PARP10: variants seen among roughly 807,000 people sequenced by gnomAD.
The protein encoded by PARP10 is protein mono-ADP-ribosyltransferase PARP10.
PARP10 carries 56 observed loss-of-function variants against 82.4 expected under a neutral mutation model. The observed-to-expected ratio is 0.68, with a 90% confidence interval of 0.55 to 0.85. The LOEUF (loss-of-function observed/expected upper bound fraction) is 0.85. Ranked by LOEUF, PARP10 falls within the 40% of genes least tolerant of loss-of-function variation. The pLI is 0.00. For missense variants in PARP10, 1,227 were observed against 1,379.4 expected, an observed-to-expected ratio of 0.89 and a Z score of 1.75; for synonymous variants, 576 against 601.1, an observed-to-expected ratio of 0.96 and a Z score of 0.61.
In PARP10 at chr8:144,011,555, G is replaced by A. The variant is rs1564263625; in HGVS notation, c.-80+975C>T. 6.6e-6 allele frequency among the ~76,000 whole-genome samples: 1 copy of A among 152,106 alleles called. No homozygotes were observed. The highest frequency in any genetic ancestry group is 1.5e-5 in the Non-Finnish European group (1 of 68,022). On this transcript the variant is annotated intron_variant, in intron 1 of 3. Transcript: ENST00000530478. The surrounding 1 kb of genome is among the most constrained non-coding windows in gnomAD (Gnocchi z 4.5). ...AGGGAGAACAGCCACAGAGCCAATG[G>A]AGGCCACGAGGACACGGCCTCACTC...
rs1019178357 is a variant in PARP10, at chr8:144,008,307, G to A, written c.-80+4223C>T. Among the ~76,000 whole-genome samples, 1 of 152,198 alleles carries A rather than the reference G, an allele frequency of 6.6e-6. No homozygotes were observed. The highest frequency in any genetic ancestry group is 1.5e-5 in the Non-Finnish European group (1 of 68,024). On this transcript the variant is annotated intron_variant, in intron 1 of 3. Transcript: ENST00000530478. The surrounding 1 kb of genome is among the most constrained non-coding windows in gnomAD (Gnocchi z 4.0). ...GGCCCCCATTCTTCGGCAACTTTAT[G>A]CCTTGAAAAGACGGCTTCAGAAGGA... is the stretch of plus-strand genomic sequence containing the variant.
chr8:143,984,270 G>A lies in PARP10; in HGVS notation c.1620C>T (p.Phe540=). 6.2e-7 allele frequency: 1 copy of A among 1,614,096 alleles called. No individual in the cohort carries two copies. The highest frequency in any genetic ancestry group is 8.5e-7 in the Non-Finnish European group (1 of 1,179,986). The change falls in exon 6 of 11, where the codon TTC becomes TTT. Residue 540 remains phenylalanine (F), a synonymous_variant. Coordinates refer to ENST00000313028, the MANE Select transcript of PARP10 (RefSeq NM_032789.5). The part of the protein sequence containing the change: ...QHLLQGLEAQ[F]QCVFGTERLA... ...GGCGCTCTGTCCCAAAGACACACTG[G>A]AACTGAGCCTCCAGCCCCTGGAGAA...
upstream of PARP10, chr8:143,991,504 ACC>A: frequency 6.5e-7 from 1 of 1,537,506 alleles, no homozygotes; most frequent in Non-Finnish European, 8.7e-7. Flanking sequence ...CAGGGCCCCT[ACC>A]CCCAAGGGGG....
intron 1 of PARP10, chr8:144,012,342 G>A (rs1486155230): frequency 1.6e-6 from 1 of 616,836 alleles, no homozygotes; most frequent in African/African-American, 1.8e-5. Context: ...GAGGGTGTTA[G>A]AGCAGAGAGG....
chr8:144,012,684 C>T lies in PARP10; in HGVS notation c.-234G>A, dbSNP rs782280634. The T allele has an allele frequency of 2.6e-6, 4 of 1,551,576 alleles. No homozygotes were observed. The East Asian group carries it at 9.8e-5, about 38-fold the overall frequency. On this transcript the variant is annotated 5_prime_UTR_variant, in exon 1 of 4. Transcript: ENST00000530478. ...CGGCATCAGCGGGTTCACGAGTGGG[C>T]TTGGTGAGGCAACAGCAGGCCTTTC...
chr8:143,978,299 C>G (rs369150816), intron 9 of PARP10, among the ~76,000 whole-genome samples: 2 of 152,256 alleles, frequency 1.3e-5, no homozygotes, highest in South Asian at 2.1e-4. Flanking sequence ...GACCCCTCCC[C>G]CTCCCGTGGA....
intron 1 of PARP10, among the ~76,000 whole-genome samples, chr8:144,007,939 A>T (rs1453602681): frequency 6.6e-6 from 1 of 152,196 alleles, no homozygotes; most frequent in Admixed American, 6.5e-5. Flanking sequence ...GTATACAATA[A>T]GCGCTCAATA....
chr8:143,983,870 T>C, intron 7 of PARP10, 59 bp from the exon 8 acceptor site: 1 of 1,521,210 alleles, frequency 6.6e-7, no homozygotes, highest in Non-Finnish European at 8.8e-7. Context: ...TTGGAATGGA[T>C]GAAAGATGGG....
At chr8:144,005,550 C>T (rs1834230994) in intron 1 of PARP10, among the ~76,000 whole-genome samples, 1 of 152,120 alleles carries the variant, frequency 6.6e-6, no homozygotes, top group African/African-American at 2.4e-5. Context: ...TAGAAACCCT[C>T]GTAGCCTTTC....
At chr8:143,979,329 C>T (rs1301956477) in intron 9 of PARP10, among the ~76,000 whole-genome samples, 1 of 152,166 alleles carries the variant, frequency 6.6e-6, no homozygotes, top group Non-Finnish European at 1.5e-5. Context: ...CGGAAGAAGT[C>T]TCACCTTCTC....
chr8:144,005,999 T>G (rs1294207463), intron 1 of PARP10, among the ~76,000 whole-genome samples: 1 of 152,218 alleles, frequency 6.6e-6, no homozygotes, highest in Non-Finnish European at 1.5e-5. Flanking sequence ...GAGATGGTGC[T>G]CAACACTGAC....
chr8:144,012,278 G>C, intron 1 of PARP10: 1 of 546,354 alleles, frequency 1.8e-6, no homozygotes. Flanking sequence ...GAAAAGGTCA[G>C]GACATTCCAG....
At position 143,983,545 on chromosome 8, in the gene PARP10, C is replaced by T; in HGVS notation, c.2044G>A (p.Ala682Thr). 6.2e-7 allele frequency: 1 copy of T among 1,606,768 alleles called. No homozygotes were observed. The highest frequency in any genetic ancestry group is 8.5e-7 in the Non-Finnish European group (1 of 1,176,834). The change falls in exon 8 of 11, where the codon GCC becomes ACC. Residue 682 changes from alanine (A) to threonine (T), a missense_variant. Coordinates refer to ENST00000313028, the MANE Select transcript of PARP10 (RefSeq NM_032789.5). Reference protein sequence around the residue: ...EQEEAAALRQALTLSLLEQPP... With the variant: ...EQEEAAALRQTLTLSLLEQPP... ...TGCTCCAGCAGGGAGAGGGTTAGGG[C>T]TTGCCGCAGGGCAGCAGCCTCCTCC...
chr8:144,002,125 C>T (rs1834207358), intron 1 of PARP10, among the ~76,000 whole-genome samples: 1 of 151,966 alleles, frequency 6.6e-6, no homozygotes, highest in Non-Finnish European at 1.5e-5. Flanking sequence ...TACATGTGGG[C>T]CCGTCAGGCT....
At position 143,985,941 on chromosome 8, in the gene PARP10, T is replaced by C; in HGVS notation, c.216A>G (p.Glu72=). ...GCAGGCTCAGCTGGGCACCATGTAGTTCGTGATCTGCCTGGGCCAAGACCC... is the reference window on the plus strand; with the variant it reads ...GCAGGCTCAGCTGGGCACCATGTAGCTCGTGATCTGCCTGGGCCAAGACCC... ...AERVLAQADH[E]LHGAQLSLRP... The change falls in exon 3 of 11, where the codon GAA becomes GAG. Residue 72 remains glutamate (E), a synonymous_variant. Coordinates refer to ENST00000313028, the MANE Select transcript of PARP10 (RefSeq NM_032789.5). 2 of 1,580,870 alleles carry C rather than the reference T, an allele frequency of 1.3e-6. No individual in the cohort carries two copies. Among genetic ancestry groups the C allele is most frequent in the South Asian group, 1.1e-5 (1 of 87,470 alleles).
chr8:143,992,444 C>T (rs1554750703), upstream of PARP10: 1 of 1,613,976 alleles, frequency 6.2e-7, no homozygotes. Flanking sequence ...GCCCCATGGC[C>T]CGTTCCTCTC....
upstream of PARP10, among the ~76,000 whole-genome samples, chr8:143,988,438 C>G (rs1554749979): frequency 6.7e-6 from 1 of 148,160 alleles, no homozygotes; most frequent in African/African-American, 2.5e-5. Context: ...GTGCCAGCCA[C>G]CATACCCAGC....
upstream of PARP10, chr8:143,993,057 GCCAAGGGGCA>G: frequency 1.8e-6 from 1 of 552,054 alleles, no homozygotes; most frequent in Non-Finnish European, 3.2e-6. Flanking sequence ...TCCCGCCCCC[GCCAAGGGGCA>G]CCAAGGCCAC....
upstream of PARP10, chr8:143,992,552 C>T (rs782428863): frequency 1.2e-5 from 20 of 1,614,048 alleles, no homozygotes; most frequent in East Asian, 6.7e-5. Flanking sequence ...CATCTTCATC[C>T]GGAACCGCAT....
Sources: allele counts gnomAD v4.1 joint callset (sites outside exome capture counted in the v4.1 genomes callset), GRCh38; gene constraint gnomAD v4.1.1; non-coding constraint Gnocchi (gnomAD v3.1); transcripts MANE v1.5; gene names NCBI Gene and HGNC (gene_info 2026-07-23, HGNC 2026-07-21).